Variants in TEX11 observed in about 807,000 individuals in gnomAD.
TEX11 encodes testis-expressed protein 11.
TEX11 carries 7 observed loss-of-function variants against 84.4 expected under a neutral mutation model. The observed-to-expected ratio is 0.08, with a 90% CI of 0.05 to 0.16. TEX11 has a LOEUF of 0.16. Among genes scored for constraint, TEX11 ranks in the 10% least tolerant of loss-of-function variants. The probability of loss-of-function intolerance (pLI) is 1.00; values close to 1 mark genes in which losing one functional copy is unlikely to be tolerated. For synonymous variants in TEX11, 264 were observed against 222.8 expected, an observed-to-expected ratio of 1.18 and a Z score of -1.64; for missense variants, 551 against 660.5, an observed-to-expected ratio of 0.83 and a Z score of 1.82.
rs780619543 is a variant in TEX11, at chrX:70,675,566, C to CCT, written c.1242+3236_1242+3237dup. Among the ~76,000 whole-genome samples the CCT allele has an allele frequency of 4.7e-4, 48 of 102,868 alleles. 1 individual carries two copies. The South Asian group carries it at 0.016, about 35-fold the overall frequency. The allele number at this position is 102,868 out of a possible 115,157, so 89.3% of individuals were successfully genotyped here. On this transcript the variant is annotated intron_variant, in intron 15 of 29. Coordinates refer to ENST00000374333, the MANE Select transcript of TEX11 (RefSeq NM_031276.3). ...TTTCTTTTTCTTTTTCTTTTCTTTT[C>CCT]CTCTCTCTCTCTCTCTTCTTTCTCT...
At chrX:70,571,645 C>T (rs1272407122) in intron 25 of TEX11, among the ~76,000 whole-genome samples, 1 of 111,728 alleles carries the variant, frequency 9.0e-6, no homozygotes, top group Non-Finnish European at 1.9e-5. Flanking sequence ...GTGGGGGTTT[C>T]CTAATCATCT....
At chrX:70,761,917 A>G (rs1272405461) in intron 9 of TEX11, among the ~76,000 whole-genome samples, 1 of 111,743 alleles carries the variant, frequency 8.9e-6, no homozygotes, top group East Asian at 2.8e-4. Flanking sequence ...AGTAAGAGAA[A>G]AGAAAAAAAC....
intron 13 of TEX11, among the ~76,000 whole-genome samples, chrX:70,689,977 A>C (rs143537195): frequency 1.1e-3 from 123 of 111,923 alleles, no homozygotes; most frequent in African/African-American, 3.8e-3. Context: ...TATCTGAGTG[A>C]TCTTCCTCCC....
chrX:70,650,766 C>T (rs924188808), intron 17 of TEX11, among the ~76,000 whole-genome samples: 5 of 111,955 alleles, frequency 4.5e-5, no homozygotes, highest in Non-Finnish European at 5.6e-5. Context: ...TTAACTTCTG[C>T]CAAACAAATG....
Position 70,907,786 on chromosome X carries a change from C to T in TEX11, c.4G>A (p.Asp2Asn), listed in dbSNP as rs887097491. 3 of 1,181,862 alleles carry T rather than the reference C, an allele frequency of 2.5e-6. No individual in the cohort carries two copies. The highest frequency in any genetic ancestry group is 3.5e-6 in the Non-Finnish European group (3 of 868,230). The change falls in exon 2 of 30, where the codon GAC becomes AAC. Residue 2 changes from aspartate (D) to asparagine (N), a missense_variant. Asp to Asn is a conservative substitution (Grantham distance 23, BLOSUM62 1). Transcript: ENST00000374333. Reference protein sequence around the residue: MDNDDFFSMDFK... With the variant: MNNDDFFSMDFK... ...TCCATGGAAAAAAAATCATCATTGTCCATTTTTAAATCTCTGGCTCAAGCC... is the reference window on the plus strand; with the variant it reads ...TCCATGGAAAAAAAATCATCATTGTTCATTTTTAAATCTCTGGCTCAAGCC...
At chrX:70,730,755 G>C (rs755292386) in intron 11 of TEX11, among the ~76,000 whole-genome samples, 1 of 111,562 alleles carries the variant, frequency 9.0e-6, no homozygotes, top group East Asian at 2.8e-4. Flanking sequence ...ACGACAGAAA[G>C]TTAACAAGGA....
chrX:70,552,095 A>G, intron 28 of TEX11, 31 bp downstream of exon 28: 2 of 1,198,831 alleles, frequency 1.7e-6, no homozygotes, highest in Admixed American at 2.3e-5. Context: ...TTTAAAATTA[A>G]CTGAAAGTTT....
intron 15 of TEX11, among the ~76,000 whole-genome samples, chrX:70,671,353 C>T (rs193061447): frequency 2.7e-5 from 3 of 111,178 alleles, no homozygotes; most frequent in Non-Finnish European, 5.7e-5. Context: ...TTAGGACCTT[C>T]AAGGAATAAA....
intron 9 of TEX11, among the ~76,000 whole-genome samples, chrX:70,744,715 A>G (rs1297699677): frequency 9.1e-6 from 1 of 109,903 alleles, no homozygotes; most frequent in Non-Finnish European, 1.9e-5. Flanking sequence ...TTAATGATTT[A>G]CTTAGTTATT....
chrX:70,868,577 C>T lies in TEX11; in HGVS notation c.244+4646G>A, dbSNP rs147293899. ...ATTCTTCTATAAAGACACAGGCACA[C>T]GCATGTTTATTGCAGCACTATTTAC... On this transcript the variant is annotated intron_variant, in intron 4 of 29. Coordinates refer to ENST00000374333, the MANE Select transcript of TEX11 (RefSeq NM_031276.3). Among the ~76,000 whole-genome samples the T allele has an allele frequency of 7.4e-4, 82 of 111,546 alleles. 1 individual carries two copies. The East Asian group carries it at 0.02, about 27-fold the overall frequency.
chrX:70,811,974 G>A (rs1331809039), intron 8 of TEX11, among the ~76,000 whole-genome samples: 1 of 111,540 alleles, frequency 9.0e-6, no homozygotes, highest in Non-Finnish European at 1.9e-5. Context: ...CATTCTGTAC[G>A]CTGCCTGTTC....
intron 25 of TEX11, among the ~76,000 whole-genome samples, chrX:70,580,662 G>A (rs951332955): frequency 8.9e-6 from 1 of 112,214 alleles, no homozygotes; most frequent in African/African-American, 3.2e-5. Flanking sequence ...TTTATGTAAT[G>A]TATAAAACAA....
chrX:70,578,460 G>A (rs994886373), intron 25 of TEX11, among the ~76,000 whole-genome samples: 13 of 111,702 alleles, frequency 1.2e-4, no homozygotes, highest in Non-Finnish European at 1.5e-4. Flanking sequence ...TTTCACACCC[G>A]CAGGGAAGGT....
chrX:70,633,373 C>T (rs2089532616), intron 17 of TEX11, among the ~76,000 whole-genome samples: 1 of 111,415 alleles, frequency 9.0e-6, no homozygotes, highest in Non-Finnish European at 1.9e-5. Context: ...CCTCCCACCA[C>T]CAAATGGAAC....
At chrX:70,613,384 G>GA (rs1259846733) in intron 20 of TEX11, among the ~76,000 whole-genome samples, 1 of 111,672 alleles carries the variant, frequency 9.0e-6, no homozygotes, top group Non-Finnish European at 1.9e-5. Flanking sequence ...GCGCACTTGA[G>GA]AAAGAGAGAG....
chrX:70,837,378 G>C (rs1461048495), intron 7 of TEX11, among the ~76,000 whole-genome samples: 2 of 110,778 alleles, frequency 1.8e-5, no homozygotes, highest in Non-Finnish European at 3.8e-5. Context: ...GGCCAACTTG[G>C]TGAAACGCCA....
intron 4 of TEX11, among the ~76,000 whole-genome samples, chrX:70,868,904 T>C (rs2091613478): frequency 9.2e-6 from 1 of 108,798 alleles, no homozygotes. Flanking sequence ...AGGGAGAGCA[T>C]TAGGACGCAT....
intron 9 of TEX11, among the ~76,000 whole-genome samples, chrX:70,761,829 T>G (rs73544712): frequency 0.012 from 1,308 of 111,209 alleles, 23 homozygotes; most frequent in African/African-American, 0.041. Flanking sequence ...AACACCAGAT[T>G]TAACCCAAAG....
chrX:70,690,540 T>TA (rs923077183), intron 13 of TEX11, among the ~76,000 whole-genome samples: 1 of 109,834 alleles, frequency 9.1e-6, no homozygotes, highest in African/African-American at 3.3e-5. Flanking sequence ...ACAAAAAAAT[T>TA]AAAAAGAAAA....
Sources: allele counts gnomAD v4.1 joint callset (sites outside exome capture counted in the v4.1 genomes callset), GRCh38; gene constraint gnomAD v4.1.1; transcripts MANE v1.5; gene names NCBI Gene and HGNC (gene_info 2026-07-23, HGNC 2026-07-21).